The following FAM135A variants were observed in gnomAD, a reference collection of about 807,000 sequenced individuals.
FAM135A encodes the protein family with sequence similarity 135 member A.
FAM135A carries 79 observed loss-of-function variants against 146.8 expected under a neutral mutation model. The ratio of observed to expected loss-of-function variants is 0.54; its 90% CI spans 0.45 to 0.65. The LOEUF is 0.65. FAM135A is among the 30% of genes least tolerant of loss of function. The pLI, the probability that FAM135A is intolerant of heterozygous loss-of-function variation, is 0.00. For synonymous variants in FAM135A, 562 were observed against 603.6 expected (o/e 0.93, Z 1.01); for missense variants, 1,623 against 1,758.2 (o/e 0.92, Z 1.38).
At chr6:70,435,425 T>G (rs1364538930) in intron 4 of FAM135A, among the ~76,000 whole-genome samples, 1 of 151,968 alleles carries the variant, frequency 6.6e-6, no homozygotes, top group African/African-American at 2.4e-5. Context: ...ATTCTTAAAT[T>G]TTAGTAACAT....
chr6:70,506,370 C>A (rs2128274118), intron 12 of FAM135A, among the ~76,000 whole-genome samples: 1 of 152,236 alleles, frequency 6.6e-6, no homozygotes, highest in Non-Finnish European at 1.5e-5. Context: ...TCAACTTTTT[C>A]TGTTAAGGAC....
chr6:70,497,646 CTCTT>C (rs1256658527), intron 11 of FAM135A, among the ~76,000 whole-genome samples: 1 of 152,092 alleles, frequency 6.6e-6, no homozygotes, highest in African/African-American at 2.4e-5. Flanking sequence ...TCATAAATAG[CTCTT>C]ATTATTTTGA....
chr6:70,530,878 A>G (rs1411773587), intron 16 of FAM135A, among the ~76,000 whole-genome samples: 1 of 152,236 alleles, frequency 6.6e-6, no homozygotes, highest in Non-Finnish European at 1.5e-5. Flanking sequence ...TATACCAGCC[A>G]TTCTAGTAAA....
At chr6:70,417,898 A>T (rs188994956) in intron 2 of FAM135A, among the ~76,000 whole-genome samples, 14 of 152,364 alleles carry the variant, frequency 9.2e-5, no homozygotes, top group African/African-American at 3.4e-4. Flanking sequence ...TATCATCAAC[A>T]GAGAAACATA....
Position 70,524,002 on chromosome 6 carries a change from A to G in FAM135A, c.1139A>G (p.Lys380Arg), listed in dbSNP as rs752252619. The G allele has an allele frequency of 4.3e-6, 7 of 1,612,592 alleles. No homozygotes were observed. The South Asian group carries it at 4.4e-5, about 10-fold the overall frequency. The change falls in exon 14 of 22, where the codon AAA becomes AGA. Residue 380 changes from lysine (K) to arginine (R), a missense_variant. Physicochemically the swap from Lys to Arg is conservative, Grantham distance 26 (BLOSUM62 2). This residue lies in a region of FAM135A where 23 missense variants were observed against 47.7 expected (regional missense o/e 0.48). Transcript: ENST00000418814. ...QSHLQMCTAI[K>R]NTSFCSSLPP... ...CATCTACAGATGTGCACCGCTATCA[A>G]AAATACTTCCTTCTGCAGTTCTCTT... is the stretch of plus-strand genomic sequence containing the variant.
rs562149407 is a variant in FAM135A at position 70,528,851 on chromosome 6, G to A, written c.3775+399G>A. On this transcript the variant is annotated intron_variant, in intron 16 of 21. Coordinates refer to ENST00000418814, the MANE Select transcript of FAM135A (RefSeq NM_001162529.3). ...TCCCTCCCCTAGTCCCCCACCCCCT[G>A]ACAGTCCCCATTGTGTGATTGTCCC... is the stretch of plus-strand genomic sequence containing the variant. 5.8e-3 allele frequency among the ~76,000 whole-genome samples: 475 copies of A among 82,488 alleles called. 7 individuals carry two copies. Among genetic ancestry groups the A allele is most frequent in the African/African-American group, 0.024 (376 of 15,914 alleles). 54.1% of individuals were successfully genotyped at this position (82,488 alleles called of 152,430 possible). A position where few individuals can be genotyped will look rare whatever the true frequency, so the allele number is the denominator to read the frequency against.
At position 70,510,560 on chromosome 6, in the gene FAM135A, ATAATGTACCAAGTTT is replaced by A. The variant is rs1163428670; in HGVS notation, c.1029+7770_1029+7784del. ...TTGTATCTGGTTTCTTTCACTTAGAATAATGTACCAAGTTTCACCCATGTTTTACATGTATCCATA... is the reference window on the plus strand; with the variant it reads ...TTGTATCTGGTTTCTTTCACTTAGAACACCCATGTTTTACATGTATCCATA... On this transcript the variant is annotated intron_variant, in intron 12 of 21. Transcript: ENST00000418814. Among the ~76,000 whole-genome samples, 9 of 152,216 alleles carry A rather than the reference ATAATGTACCAAGTTT, an allele frequency of 5.9e-5. No homozygotes were observed. In the South Asian group the frequency reaches 1.7e-3, roughly 28 times the overall value.
chr6:70,520,080 T>C (rs1793222318), intron 12 of FAM135A, among the ~76,000 whole-genome samples: 1 of 152,186 alleles, frequency 6.6e-6, no homozygotes. Context: ...TTCTAGGCTT[T>C]TTTTTTAAGG....
At chr6:70,541,168 G>C (rs1797848325) in intron 20 of FAM135A, among the ~76,000 whole-genome samples, 1 of 152,108 alleles carries the variant, frequency 6.6e-6, no homozygotes, top group African/African-American at 2.4e-5. Flanking sequence ...TCCTTTAATA[G>C]ATAAAGTTAT....
At chr6:70,438,209 A>G (rs1184619410) in intron 4 of FAM135A, among the ~76,000 whole-genome samples, 1 of 152,196 alleles carries the variant, frequency 6.6e-6, no homozygotes, top group Non-Finnish European at 1.5e-5. Flanking sequence ...TCAAAGGCAG[A>G]TTTGCAGGAT....
At chr6:70,540,391 C>T (rs1277172965) in intron 20 of FAM135A, among the ~76,000 whole-genome samples, 1 of 131,178 alleles carries the variant, frequency 7.6e-6, no homozygotes, top group Non-Finnish European at 1.5e-5. Flanking sequence ...GTGGCACGAT[C>T]TCGGCTCGCT....
chr6:70,528,320 C>T lies in FAM135A; in HGVS notation c.3643C>T (p.Leu1215=). 2 of 1,611,294 alleles carry T rather than the reference C, an allele frequency of 1.2e-6. No individual in the cohort carries two copies. The highest frequency in any genetic ancestry group is 1.1e-5 in the South Asian group (1 of 90,258). The change falls in exon 16 of 22, where the codon CTA becomes TTA. Residue 1215 remains leucine (L), a synonymous_variant. Transcript: ENST00000418814. ...AFLQAKEELK[L]LKLPGFMYSE... ...CCTTCAGGCAAAAGAAGAACTGAAGCTACTAAAACTTCCTGGGTTCATGTA... is the reference window on the plus strand; with the variant it reads ...CCTTCAGGCAAAAGAAGAACTGAAGTTACTAAAACTTCCTGGGTTCATGTA...
intron 19 of FAM135A, among the ~76,000 whole-genome samples, chr6:70,536,938 T>C (rs2128421060): frequency 6.6e-6 from 1 of 150,474 alleles, no homozygotes; most frequent in African/African-American, 2.4e-5. Context: ...ACTTTGATTT[T>C]TTTTTTTTTT....
chr6:70,418,759 C>A (rs554407839), intron 2 of FAM135A, among the ~76,000 whole-genome samples: 2 of 152,212 alleles, frequency 1.3e-5, no homozygotes, highest in African/African-American at 4.8e-5. Flanking sequence ...TCAAGAAATA[C>A]GACTATAACT....
At chr6:70,413,940 TC>T in intron 1 of FAM135A, 1 of 985,470 alleles carries the variant, frequency 1.0e-6, no homozygotes, top group Non-Finnish European at 1.2e-6. Context: ...CGCGCTGCTC[TC>T]CCGGTGCCCG....
chr6:70,419,087 G>T (rs915695460), intron 2 of FAM135A, among the ~76,000 whole-genome samples: 49 of 152,186 alleles, frequency 3.2e-4, no homozygotes, highest in Non-Finnish European at 7.3e-5. Flanking sequence ...ATAATACTTG[G>T]TTATTTACAA....
In FAM135A at chr6:70,525,413, A is replaced by C. The variant is rs1011776559; in HGVS notation, c.2329A>C (p.Ser777Arg). Reference protein sequence around the residue: ...FSDSGVESEPSSFATHPNTDL... With the variant: ...FSDSGVESEPRSFATHPNTDL... Reference sequence around the variant, plus strand: ...AGATTCAGGTGTTGAAAGTGAACCGAGTTCTTTTGCGACACATCCAAACAC... The same window carrying C: ...AGATTCAGGTGTTGAAAGTGAACCGCGTTCTTTTGCGACACATCCAAACAC... Residue 777 changes from serine (S) to arginine (R), a missense_variant, in exon 15 of 22, where the codon AGT becomes CGT. By Grantham distance (110) the Ser-to-Arg change is moderately radical. Transcript: ENST00000418814. 6.2e-7 allele frequency: 1 copy of C among 1,613,740 alleles called. No individual in the cohort carries two copies. Among genetic ancestry groups the C allele is most frequent in the Non-Finnish European group, 8.5e-7 (1 of 1,179,710 alleles).
chr6:70,525,622 T>C lies in FAM135A; in HGVS notation c.2538T>C (p.Asp846=), dbSNP rs1198423431. The C allele has an allele frequency of 6.2e-7, 1 of 1,613,462 alleles. No individual in the cohort carries two copies. The highest frequency in any genetic ancestry group is 1.1e-5 in the South Asian group (1 of 91,040). ...SLTSINSLPS[D]DELSPDENSK... ...CATCCATAAACTCTCTACCCTCCGA[T>C]GATGAACTGTCACCTGATGAAAATT... Residue 846 remains aspartate, a synonymous_variant, in exon 15 of 22, where the codon GAT becomes GAC. Transcript: ENST00000418814.
At chr6:70,455,797 G>T (rs532270678) in intron 5 of FAM135A, among the ~76,000 whole-genome samples, 1 of 150,718 alleles carries the variant, frequency 6.6e-6, no homozygotes, top group South Asian at 2.1e-4. Flanking sequence ...AAATTTTAAA[G>T]ATATGTTTGT....
Sources: allele counts gnomAD v4.1 joint callset (sites outside exome capture counted in the v4.1 genomes callset), GRCh38; gene constraint gnomAD v4.1.1; regional missense constraint gnomAD v4.1.1; transcripts MANE v1.5; gene names NCBI Gene and HGNC (gene_info 2026-07-23, HGNC 2026-07-21).